SYT17: variants seen among roughly 807,000 people sequenced by gnomAD.
The protein encoded by SYT17 is synaptotagmin 17.
A neutral mutation model predicts 46.7 loss-of-function variants in SYT17; 22 were observed. The observed-to-expected ratio is 0.47, with a 90% CI of 0.34 to 0.67. The LOEUF (loss-of-function observed/expected upper bound fraction) is 0.67. SYT17 is among the 30% of genes least tolerant of loss of function. SYT17 has a pLI of 0.01. For synonymous variants in SYT17, 251 were observed against 248.4 expected, an observed-to-expected ratio of 1.01 and a Z score of -0.10; for missense variants, 519 against 612.8, an observed-to-expected ratio of 0.85 and a Z score of 1.62.
Position 19,168,642 on chromosome 16 carries a change from C to A in SYT17, c.-5C>A, listed in dbSNP as rs1355870119. 8.5e-6 allele frequency: 13 copies of A among 1,536,910 alleles called. No individual in the cohort carries two copies. The highest frequency in any genetic ancestry group is 1.1e-5 in the Non-Finnish European group (12 of 1,140,058). ...CCGGGCCGGAGTGAGTGCGCGCGGG[C>A]GAAAATGGCGTACATCCAGGTAGGG... On this transcript the variant is annotated 5_prime_UTR_variant, in exon 1 of 8. Coordinates refer to ENST00000355377, the MANE Select transcript of SYT17 (RefSeq NM_016524.4). The surrounding 1 kb of genome is among the most constrained non-coding windows in gnomAD (Gnocchi z 6.9).
At chr16:19,236,909 G>T (rs1966856472) in intron 7 of SYT17, among the ~76,000 whole-genome samples, 1 of 152,140 alleles carries the variant, frequency 6.6e-6, no homozygotes, top group Non-Finnish European at 1.5e-5. Flanking sequence ...TTCATGATCA[G>T]TTTCACCATA....
intron 7 of SYT17, among the ~76,000 whole-genome samples, chr16:19,247,987 C>T (rs1193029687): frequency 6.6e-6 from 1 of 152,114 alleles, no homozygotes; most frequent in Non-Finnish European, 1.5e-5. Flanking sequence ...CAACAAAGAG[C>T]CCATATCCGG....
At chr16:19,214,347 A>G (rs1356912841) in intron 5 of SYT17, among the ~76,000 whole-genome samples, 1 of 151,650 alleles carries the variant, frequency 6.6e-6, no homozygotes, top group African/African-American at 2.4e-5. Context: ...GTTTTGTTTT[A>G]AATTAGAGAC....
intron 5 of SYT17, among the ~76,000 whole-genome samples, chr16:19,220,754 C>T (rs953876997): frequency 1.2e-4 from 18 of 152,120 alleles, no homozygotes; most frequent in African/African-American, 3.9e-4. Flanking sequence ...AGCCATGGAG[C>T]AAAGTCGGGG....
intron 5 of SYT17, among the ~76,000 whole-genome samples, chr16:19,203,516 A>G (rs960698285): frequency 9.9e-5 from 15 of 152,188 alleles, no homozygotes; most frequent in African/African-American, 2.9e-4. Context: ...GTGATTGGTC[A>G]ATGTTTCCGC....
chr16:19,180,665 G>T, intron 4 of SYT17, 126 bp downstream of exon 4: 1 of 1,106,324 alleles, frequency 9.0e-7, no homozygotes, highest in South Asian at 1.4e-5. Flanking sequence ...CAGTCCAGGA[G>T]ACAGGGCGAG....
chr16:19,193,877 G>C (rs149309609), intron 5 of SYT17, among the ~76,000 whole-genome samples: 10 of 152,320 alleles, frequency 6.6e-5, no homozygotes, highest in African/African-American at 2.4e-4. Flanking sequence ...AACTTGCCTT[G>C]TGGGCACAAG....
At chr16:19,259,003 A>G (rs1432911513) in intron 7 of SYT17, among the ~76,000 whole-genome samples, 2 of 152,148 alleles carry the variant, frequency 1.3e-5, no homozygotes, top group African/African-American at 4.8e-5. Context: ...TTGAATTGCT[A>G]TGATACGGTG....
intron 3 of SYT17, among the ~76,000 whole-genome samples, chr16:19,178,123 G>A (rs181950640): frequency 9.5e-4 from 144 of 151,012 alleles, no homozygotes; most frequent in African/African-American, 2.7e-3. Flanking sequence ...TAGCTCTGTC[G>A]CCCAGGCTGG....
At chr16:19,243,191 G>A (rs1967265029) in intron 7 of SYT17, among the ~76,000 whole-genome samples, 1 of 152,186 alleles carries the variant, frequency 6.6e-6, no homozygotes, top group African/African-American at 2.4e-5. Context: ...AGGGCGGGCA[G>A]TGGGCAAAAG....
At position 19,263,615 on chromosome 16, in the gene SYT17, G is replaced by A. The variant is rs902425573; in HGVS notation, c.1229-3265G>A. Among the ~76,000 whole-genome samples the A allele has an allele frequency of 2.0e-5, 3 of 148,018 alleles. No individual in the cohort carries two copies. The South Asian group carries it at 6.5e-4, about 32-fold the overall frequency. ...AGATCACGCCACTGCATCCCAGCCTGGGTGACAACAGTGAAATTACAACTC... is the reference window on the plus strand; with the variant it reads ...AGATCACGCCACTGCATCCCAGCCTAGGTGACAACAGTGAAATTACAACTC... On this transcript the variant is annotated intron_variant, in intron 7 of 7. Coordinates refer to ENST00000355377, the MANE Select transcript of SYT17 (RefSeq NM_016524.4).
chr16:19,257,271 G>T (rs1222125003), intron 7 of SYT17, among the ~76,000 whole-genome samples: 1 of 151,944 alleles, frequency 6.6e-6, no homozygotes, highest in Non-Finnish European at 1.5e-5. Flanking sequence ...TTAAGTCATG[G>T]ATGAAACTTC....
At chr16:19,259,081 G>T (rs1462412104) in intron 7 of SYT17, among the ~76,000 whole-genome samples, 1 of 152,172 alleles carries the variant, frequency 6.6e-6, no homozygotes. Flanking sequence ...AATAGGCAGG[G>T]TGTGTCCATG....
intron 7 of SYT17, among the ~76,000 whole-genome samples, chr16:19,260,433 C>T (rs1478793232): frequency 9.5e-5 from 13 of 136,814 alleles, no homozygotes; most frequent in Non-Finnish European, 3.1e-5. Flanking sequence ...TCACTTGAGC[C>T]TGGGAGGCAG....
At chr16:19,174,689 G>T (rs1443467506) in intron 3 of SYT17, among the ~76,000 whole-genome samples, 5 of 152,174 alleles carry the variant, frequency 3.3e-5, no homozygotes, top group Non-Finnish European at 7.3e-5. Flanking sequence ...ATCTCTGTGT[G>T]CCTTGATTTC....
At chr16:19,255,866 G>C (rs1292387928) in intron 7 of SYT17, among the ~76,000 whole-genome samples, 1 of 152,148 alleles carries the variant, frequency 6.6e-6, no homozygotes, top group Non-Finnish European at 1.5e-5. Flanking sequence ...GTAAATGGGA[G>C]GAGGCAAGAA....
chr16:19,265,774 G>A (rs1404952440), intron 7 of SYT17, among the ~76,000 whole-genome samples: 1 of 152,206 alleles, frequency 6.6e-6, no homozygotes, highest in Non-Finnish European at 1.5e-5. Flanking sequence ...GAACTTGGCC[G>A]GGAAGATAAA....
intron 7 of SYT17, among the ~76,000 whole-genome samples, chr16:19,266,497 G>A (rs919433742): frequency 6.6e-6 from 1 of 152,226 alleles, no homozygotes; most frequent in African/African-American, 2.4e-5. Context: ...CAGGCTCACT[G>A]TTCCACTAGA....
intron 5 of SYT17, among the ~76,000 whole-genome samples, chr16:19,197,263 G>A (rs1471541672): frequency 1.3e-5 from 2 of 152,204 alleles, no homozygotes; most frequent in East Asian, 1.9e-4. Flanking sequence ...TTACAAAGCA[G>A]CCATTAACTA....
Sources: allele counts gnomAD v4.1 joint callset (sites outside exome capture counted in the v4.1 genomes callset), GRCh38; gene constraint gnomAD v4.1.1; non-coding constraint Gnocchi (gnomAD v3.1); transcripts MANE v1.5; gene names NCBI Gene and HGNC (gene_info 2026-07-23, HGNC 2026-07-21).